The following LRIF1 variants were observed in gnomAD, a reference collection of about 807,000 sequenced individuals.
LRIF1 encodes the protein ligand dependent nuclear receptor interacting factor 1.
A neutral mutation model predicts 52.7 loss-of-function variants in LRIF1; 32 were observed. The observed-to-expected ratio is 0.61, with a 90% confidence interval of 0.46 to 0.82. The LOEUF (loss-of-function observed/expected upper bound fraction) is 0.82. Ranked by LOEUF, LRIF1 falls within the 40% of genes least tolerant of loss-of-function variation. The pLI, the probability that LRIF1 is intolerant of heterozygous loss-of-function variation, is 0.00. For missense variants in LRIF1, 887 were observed against 892.0 expected, an observed-to-expected ratio of 0.99 and a Z score of 0.07; for synonymous variants, 323 against 317.4, an observed-to-expected ratio of 1.02 and a Z score of -0.19.
chr1:110,901,047 C>A, the LRIF1 span, among the ~76,000 whole-genome samples: 2 of 152,094 alleles, frequency 1.3e-5, no homozygotes, highest in Non-Finnish European at 1.5e-5. Context: ...TCTCCCCTCT[C>A]CTTTTAAAAA....
the LRIF1 span, among the ~76,000 whole-genome samples, chr1:110,929,690 A>T: frequency 6.6e-6 from 1 of 152,110 alleles, no homozygotes; most frequent in African/African-American, 2.4e-5. Context: ...TACAAAAAAG[A>T]ATGAGATCAT....
At chr1:110,942,611 G>A (rs1424679056), downstream of LRIF1, among the ~76,000 whole-genome samples, 2 of 152,068 alleles carry the variant, frequency 1.3e-5, no homozygotes, top group Admixed American at 6.6e-5. Flanking sequence ...CGGATTCCAG[G>A]TATAATTTGA....
chr1:110,962,799 A>T (rs1194684316), intron 1 of LRIF1, among the ~76,000 whole-genome samples: 1 of 152,152 alleles, frequency 6.6e-6, no homozygotes, highest in Non-Finnish European at 1.5e-5. Context: ...TTCTTATTAG[A>T]GTCTGCAGAC....
At chr1:110,923,471 C>T in the LRIF1 span, among the ~76,000 whole-genome samples, 1 of 151,892 alleles carries the variant, frequency 6.6e-6, no homozygotes, top group South Asian at 2.1e-4. Context: ...GTGCAAGGGT[C>T]ATAAATCAAG....
At chr1:110,959,687 T>C (rs943804934) in intron 1 of LRIF1, among the ~76,000 whole-genome samples, 1 of 146,482 alleles carries the variant, frequency 6.8e-6, no homozygotes, top group East Asian at 2.0e-4. Context: ...GAGGTCGAGG[T>C]TGCAGCGAGC....
chr1:110,949,599 T>C (rs1336554126), intron 3 of LRIF1, among the ~76,000 whole-genome samples: 2 of 151,850 alleles, frequency 1.3e-5, no homozygotes, highest in African/African-American at 2.4e-5. Context: ...TTTGTATTTT[T>C]AGTAGAGACG....
the LRIF1 span, chr1:110,894,893 A>C: frequency 8.1e-7 from 1 of 1,230,824 alleles, no homozygotes; most frequent in Non-Finnish European, 1.2e-6. Context: ...CCTATACTGG[A>C]AATTCCTTAT....
the LRIF1 span, among the ~76,000 whole-genome samples, chr1:110,923,360 G>C: frequency 6.6e-6 from 1 of 152,056 alleles, no homozygotes; most frequent in African/African-American, 2.4e-5. Context: ...TACCATGTAA[G>C]AAAAAATATT....
the LRIF1 span, among the ~76,000 whole-genome samples, chr1:110,895,894 A>G: frequency 6.6e-6 from 1 of 152,150 alleles, no homozygotes; most frequent in Non-Finnish European, 1.5e-5. Flanking sequence ...TATTTCACCC[A>G]CTAAATATAA....
At chr1:110,902,514 A>AG in the LRIF1 span, among the ~76,000 whole-genome samples, 1 of 149,402 alleles carries the variant, frequency 6.7e-6, no homozygotes, top group Non-Finnish European at 1.5e-5. Context: ...AAAAAAAAAA[A>AG]AAAAAAGAAA....
the LRIF1 span, among the ~76,000 whole-genome samples, chr1:110,890,697 A>T: frequency 6.6e-6 from 1 of 152,166 alleles, no homozygotes; most frequent in Non-Finnish European, 1.5e-5. Flanking sequence ...TAAGAAAATG[A>T]TATTCTAGTT....
At chr1:110,957,334 G>A (rs1238185132) in intron 1 of LRIF1, among the ~76,000 whole-genome samples, 5 of 149,358 alleles carry the variant, frequency 3.3e-5, no homozygotes, top group East Asian at 3.9e-4. Context: ...TTAGCCGGGC[G>A]TGGTAGCAAG....
intron 1 of LRIF1, among the ~76,000 whole-genome samples, chr1:110,954,018 G>A (rs1658593992): frequency 6.6e-6 from 1 of 152,004 alleles, no homozygotes; most frequent in Non-Finnish European, 1.5e-5. Context: ...ATATACCATA[G>A]ACCTAGCATG....
chr1:110,962,606 C>T (rs1659006214), intron 1 of LRIF1, among the ~76,000 whole-genome samples: 1 of 152,158 alleles, frequency 6.6e-6, no homozygotes, highest in Non-Finnish European at 1.5e-5. Flanking sequence ...TCCTACACGA[C>T]GTATTTTACA....
At chr1:110,926,828 A>C in the LRIF1 span, among the ~76,000 whole-genome samples, 2 of 152,202 alleles carry the variant, frequency 1.3e-5, no homozygotes, top group Non-Finnish European at 2.9e-5. Context: ...ACTGCTGCGG[A>C]AAAAGAATAA....
At chr1:110,957,542 A>C (rs1347261253) in intron 1 of LRIF1, among the ~76,000 whole-genome samples, 1 of 150,742 alleles carries the variant, frequency 6.6e-6, no homozygotes, top group East Asian at 1.9e-4. Context: ...TCTTCTTTGG[A>C]ATAATGACTC....
chr1:110,936,518 G>C, the LRIF1 span: 3 of 152,088 alleles, frequency 2.0e-5, no homozygotes, highest in Non-Finnish European at 4.4e-5. Context: ...ACAGTGTTAA[G>C]TAGTTATCGG....
the LRIF1 span, among the ~76,000 whole-genome samples, chr1:110,928,208 C>G: frequency 6.6e-6 from 1 of 152,236 alleles, no homozygotes; most frequent in African/African-American, 2.4e-5. Flanking sequence ...CAGTAGCTAT[C>G]CAGTAATTTG....
the LRIF1 span, among the ~76,000 whole-genome samples, chr1:110,888,383 G>C: frequency 2.0e-5 from 3 of 152,082 alleles, no homozygotes; most frequent in Admixed American, 2.0e-4. Context: ...GCTCTGCCAG[G>C]CTCTCCCTCT....
Sources: allele counts gnomAD v4.1 joint callset (sites outside exome capture counted in the v4.1 genomes callset), GRCh38; gene constraint gnomAD v4.1.1; transcripts MANE v1.5; gene names NCBI Gene and HGNC (gene_info 2026-07-23, HGNC 2026-07-21).